The following PCDH9 variants were observed in gnomAD, a reference collection of about 807,000 sequenced individuals.
PCDH9 encodes the protein protocadherin-9.
PCDH9 carries 24 observed loss-of-function variants against 70.6 expected under a neutral mutation model. The observed-to-expected ratio is 0.34, with a 90% CI of 0.25 to 0.48. PCDH9 has a LOEUF of 0.48. Ranked by LOEUF, PCDH9 falls within the 20% of genes least tolerant of loss-of-function variation. PCDH9 has a pLI of 0.99. For missense variants in PCDH9, 1,281 were observed against 1,503.6 expected, an observed-to-expected ratio of 0.85 and a Z score of 2.45; for synonymous variants, 562 against 558.5, an observed-to-expected ratio of 1.01 and a Z score of -0.09.
At chr13:66,570,185 A>G (rs947639896) in intron 4 of PCDH9, among the ~76,000 whole-genome samples, 2 of 152,212 alleles carry the variant, frequency 1.3e-5, no homozygotes, top group African/African-American at 4.8e-5. Context: ...GATTCCATTT[A>G]TACAACATTG....
At chr13:66,371,220 G>T (rs983570777) in intron 4 of PCDH9, among the ~76,000 whole-genome samples, 13 of 151,950 alleles carry the variant, frequency 8.6e-5, no homozygotes, top group African/African-American at 3.1e-4. Flanking sequence ...TCTTTTTCAA[G>T]TCATTAATGT....
chr13:66,904,876 T>A (rs1008480990), intron 2 of PCDH9, among the ~76,000 whole-genome samples: 1 of 152,022 alleles, frequency 6.6e-6, no homozygotes, highest in Non-Finnish European at 1.5e-5. Context: ...ATGTGACAAC[T>A]AAGAAGGCAT....
intron 3 of PCDH9, among the ~76,000 whole-genome samples, chr13:66,772,367 C>T (rs1048718563): frequency 6.6e-6 from 1 of 152,158 alleles, no homozygotes; most frequent in Admixed American, 6.5e-5. Flanking sequence ...TATCATGCCA[C>T]AATTTGTTTA....
chr13:66,936,642 T>A (rs2082920368), intron 2 of PCDH9, among the ~76,000 whole-genome samples: 1 of 152,194 alleles, frequency 6.6e-6, no homozygotes, highest in African/African-American at 2.4e-5. Flanking sequence ...GGCTGTTTCA[T>A]GAACTGGCTA....
intron 2 of PCDH9, among the ~76,000 whole-genome samples, chr13:67,172,638 G>C (rs1159995315): frequency 6.6e-6 from 1 of 152,030 alleles, no homozygotes; most frequent in Non-Finnish European, 1.5e-5. Flanking sequence ...AGCACTATGG[G>C]AGACCGAGGT....
At chr13:66,551,119 T>C (rs571398322) in intron 4 of PCDH9, among the ~76,000 whole-genome samples, 1 of 152,308 alleles carries the variant, frequency 6.6e-6, no homozygotes, top group South Asian at 2.1e-4. Context: ...GCTTTTCTAC[T>C]AACAAATACT....
Position 66,903,536 on chromosome 13 carries a change from G to A in PCDH9, c.3106C>T (p.His1036Tyr), listed in dbSNP as rs111628197. Residue 1036 changes from histidine (H) to tyrosine (Y), a missense_variant, in exon 3 of 5, where the codon CAC becomes TAC. His to Tyr is a moderately conservative substitution (Grantham distance 83, BLOSUM62 2). Transcript: ENST00000377865. ...PQKCPSSTGF[H>Y]IQENEESHYE... ...TGGCTTTCTTCATTCTCCTGAATGT[G>A]GAAACCCGTGGAGCTGGGACATTTC... is the stretch of plus-strand genomic sequence containing the variant. The A allele has an allele frequency of 6.4e-7, 1 of 1,567,658 alleles. No homozygotes were observed. Among genetic ancestry groups the A allele is most frequent in the Non-Finnish European group, 8.8e-7 (1 of 1,139,272 alleles).
intron 3 of PCDH9, among the ~76,000 whole-genome samples, chr13:66,826,311 T>A (rs1291342400): frequency 2.0e-5 from 3 of 152,136 alleles, no homozygotes; most frequent in Admixed American, 2.0e-4. Flanking sequence ...TAGTTTTTGG[T>A]TTTTTGGTTT....
chr13:67,109,367 T>C (rs2086611031), intron 2 of PCDH9, among the ~76,000 whole-genome samples: 2 of 152,224 alleles, frequency 1.3e-5, no homozygotes, highest in Non-Finnish European at 2.9e-5. Context: ...GTTATGAAAA[T>C]GATTAAATTC....
intron 2 of PCDH9, among the ~76,000 whole-genome samples, chr13:67,094,668 T>C (rs992397047): frequency 1.1e-4 from 16 of 151,580 alleles, no homozygotes; most frequent in African/African-American, 3.9e-4. Context: ...TCTTCTTCTT[T>C]TTTTTTTTTT....
At chr13:66,822,674 C>T (rs923333978) in intron 3 of PCDH9, among the ~76,000 whole-genome samples, 4 of 151,650 alleles carry the variant, frequency 2.6e-5, no homozygotes, top group Non-Finnish European at 2.9e-5. Context: ...TACAAGCATG[C>T]GCCACTACGC....
chr13:66,779,849 C>CTCTCTCTCTATATATATA (rs1395244975), intron 3 of PCDH9, among the ~76,000 whole-genome samples: 7 of 78,906 alleles, frequency 8.9e-5, no homozygotes, highest in East Asian at 3.6e-4. Flanking sequence ...CTCTCTCTCT[C>CTCTCTCTCTATATATATA]TATATATATA....
chr13:66,513,200 T>TG (rs1959572745), intron 4 of PCDH9, among the ~76,000 whole-genome samples: 1 of 151,218 alleles, frequency 6.6e-6, no homozygotes, highest in Admixed American at 6.6e-5. Context: ...ACGTGTTTTT[T>TG]TTTTTTTTTC....
intron 3 of PCDH9, among the ~76,000 whole-genome samples, chr13:66,891,011 C>G (rs763604493): frequency 6.6e-6 from 1 of 152,110 alleles, no homozygotes; most frequent in Non-Finnish European, 1.5e-5. Flanking sequence ...GTCCCTATCA[C>G]TTTGCCTTTT....
At chr13:66,611,095 A>G (rs2077288844) in intron 4 of PCDH9, among the ~76,000 whole-genome samples, 1 of 152,218 alleles carries the variant, frequency 6.6e-6, no homozygotes. Flanking sequence ...AATACCCATT[A>G]ATGTCAAAAC....
intron 2 of PCDH9, among the ~76,000 whole-genome samples, chr13:66,925,045 TAGAA>T (rs1204926165): frequency 2.6e-5 from 4 of 151,728 alleles, no homozygotes; most frequent in South Asian, 4.1e-4. Flanking sequence ...AAATTGGAAA[TAGAA>T]AGAATATAAA....
intron 2 of PCDH9, among the ~76,000 whole-genome samples, chr13:67,101,226 CTGATTA>C (rs1594512738): frequency 6.6e-6 from 1 of 152,148 alleles, no homozygotes; most frequent in East Asian, 1.9e-4. Context: ...TAGATGCAAT[CTGATTA>C]TAAGTCCATA....
chr13:67,049,510 T>C (rs2139926550), intron 2 of PCDH9, among the ~76,000 whole-genome samples: 1 of 152,280 alleles, frequency 6.6e-6, no homozygotes, highest in Admixed American at 6.5e-5. Flanking sequence ...CTCGCCTCAT[T>C]GTTGGTGGAG....
chr13:66,452,957 C>G (rs1039850216), intron 4 of PCDH9, among the ~76,000 whole-genome samples: 2 of 152,042 alleles, frequency 1.3e-5, no homozygotes, highest in Non-Finnish European at 2.9e-5. Context: ...CATCCATCCA[C>G]TCATCCATCC....
Sources: gnomAD v4.1 joint callset for allele counts (sites outside exome capture counted in the v4.1 genomes callset) on GRCh38, gnomAD v4.1.1 for gene constraint, MANE v1.5 for transcripts, NCBI Gene and HGNC (gene_info 2026-07-23, HGNC 2026-07-21) for gene names.